The following SMARCC1 variants were observed in gnomAD, a reference collection of about 807,000 sequenced individuals.
The protein encoded by SMARCC1 is SWI/SNF complex subunit SMARCC1.
In SMARCC1, 43 loss-of-function variants were observed where a neutral mutation model predicts 147.4. The observed-to-expected ratio is 0.29, with a 90% CI of 0.23 to 0.38. The LOEUF is 0.38. Among genes scored for constraint, SMARCC1 ranks in the 10% least tolerant of loss-of-function variants. SMARCC1 has a pLI of 1.00. For synonymous variants in SMARCC1, 495 were observed against 484.4 expected, an observed-to-expected ratio of 1.02 and a Z score of -0.29; for missense variants, 1,119 against 1,381.1, an observed-to-expected ratio of 0.81 and a Z score of 3.01.
At chr3:47,636,784 ATATATGTGTGTGTG>A (rs749336475) in intron 22 of SMARCC1, among the ~76,000 whole-genome samples, 289 of 67,692 alleles carry the variant, frequency 4.3e-3, no homozygotes, top group Admixed American at 0.011. Context: ...AACAAAATAT[ATATATGTGTGTGTG>A]TGTGTGTGTG....
chr3:47,716,373 G>A (rs531023651), intron 7 of SMARCC1, among the ~76,000 whole-genome samples: 1 of 127,934 alleles, frequency 7.8e-6, no homozygotes, highest in African/African-American at 3.0e-5. Context: ...AGCTTAGATC[G>A]CACCACTGCA....
chr3:47,608,771 C>T (rs1281413318), intron 26 of SMARCC1, among the ~76,000 whole-genome samples: 1 of 149,246 alleles, frequency 6.7e-6, no homozygotes, highest in East Asian at 2.0e-4. Flanking sequence ...ATTGATTGAG[C>T]CTGGGAGGTT....
chr3:47,663,719 A>C (rs2033382124), intron 19 of SMARCC1: 6 of 1,503,626 alleles, frequency 4.0e-6, no homozygotes, highest in Non-Finnish European at 4.6e-6. Context: ...AGAGAGTTTC[A>C]AGGAAAAGTT....
chr3:47,701,249 C>G, intron 11 of SMARCC1, 29 bp downstream of exon 11: 5 of 1,599,980 alleles, frequency 3.1e-6, no homozygotes, highest in Non-Finnish European at 4.3e-6. Context: ...TAAATTAAAT[C>G]TAACACTCTC....
Position 47,588,074 on chromosome 3 carries a change from G to A in SMARCC1, c.*135C>T. 1.5e-6 allele frequency: 1 copy of A among 669,962 alleles called. No homozygotes were observed. Among genetic ancestry groups the A allele is most frequent in the Non-Finnish European group, 2.6e-6 (1 of 386,552 alleles). 41.5% of individuals were successfully genotyped at this position (669,962 alleles called of 1,614,324 possible). A position where few individuals can be genotyped will look rare whatever the true frequency, so the allele number is the denominator to read the frequency against. On this transcript the variant is annotated 3_prime_UTR_variant, in exon 28 of 28. Coordinates refer to ENST00000254480, the MANE Select transcript of SMARCC1 (RefSeq NM_003074.4). ...AGAGAGGGGTGGTAAGAGGAGTGGG[G>A]AGGCACGGGACACGTGCTTGGAGCT...
chr3:47,745,793 C>A (rs377304545), intron 3 of SMARCC1, 115 bp downstream of exon 3: 36 of 554,812 alleles, frequency 6.5e-5, no homozygotes, highest in Non-Finnish European at 1.0e-4. Flanking sequence ...TAAATTAGGG[C>A]TCTTGGTAAA....
intron 24 of SMARCC1, among the ~76,000 whole-genome samples, chr3:47,625,408 T>C (rs1351074651): frequency 6.6e-6 from 1 of 152,192 alleles, no homozygotes; most frequent in Non-Finnish European, 1.5e-5. Flanking sequence ...TTAACTTTTG[T>C]ATTTTTGGTA....
At chr3:47,731,892 CA>C (rs2034378455) in intron 5 of SMARCC1, among the ~76,000 whole-genome samples, 1 of 152,184 alleles carries the variant, frequency 6.6e-6, no homozygotes, top group Non-Finnish European at 1.5e-5. Flanking sequence ...GTCAGAATGG[CA>C]AACGACCATT....
At chr3:47,733,223 G>A (rs1299213851) in intron 5 of SMARCC1, among the ~76,000 whole-genome samples, 2 of 152,236 alleles carry the variant, frequency 1.3e-5, no homozygotes, top group Non-Finnish European at 2.9e-5. Flanking sequence ...GGCACCAACA[G>A]ACTTGCTTGA....
intron 1 of SMARCC1, among the ~76,000 whole-genome samples, chr3:47,781,395 G>C (rs925354316): frequency 6.6e-6 from 1 of 152,222 alleles, no homozygotes. Flanking sequence ...TGGGTGCGTA[G>C]GCTCAGAGGA....
chr3:47,644,942 G>A (rs534578292), intron 21 of SMARCC1, among the ~76,000 whole-genome samples: 89 of 151,936 alleles, frequency 5.9e-4, no homozygotes, highest in Non-Finnish European at 1.1e-3. Context: ...TCCATGAAAC[G>A]GCAAGGTGGG....
chr3:47,712,523 A>T (rs1398703001), intron 8 of SMARCC1, among the ~76,000 whole-genome samples: 3 of 152,216 alleles, frequency 2.0e-5, no homozygotes, highest in African/African-American at 7.2e-5. Context: ...GTGACAGCTA[A>T]CAACTGTTTG....
chr3:47,719,650 T>C (rs2034205624), intron 7 of SMARCC1, among the ~76,000 whole-genome samples: 1 of 151,786 alleles, frequency 6.6e-6, no homozygotes, highest in Non-Finnish European at 1.5e-5. Context: ...TTGCAGTGAG[T>C]CGGGACTGTG....
At chr3:47,762,418 A>T (rs113240928) in intron 2 of SMARCC1, among the ~76,000 whole-genome samples, 2 of 152,208 alleles carry the variant, frequency 1.3e-5, no homozygotes. Context: ...AATTCCTGCC[A>T]TGAGGTCAGT....
intron 3 of SMARCC1, among the ~76,000 whole-genome samples, chr3:47,738,500 G>A (rs13097128): frequency 2.3e-3 from 355 of 152,134 alleles, no homozygotes; most frequent in Non-Finnish European, 3.6e-3. Flanking sequence ...CCTGGCCAAC[G>A]TGGTGAAACC....
Position 47,745,919 on chromosome 3 carries a change from AT to A in SMARCC1, c.389del (p.Asn130MetfsTer24). On this transcript the variant is annotated frameshift_variant, in exon 3 of 28. Coordinates refer to ENST00000254480, the MANE Select transcript of SMARCC1 (RefSeq NM_003074.4). LOFTEE classifies it high-confidence loss of function. Reference sequence around the variant, plus strand: ...ATACAAAAACTTACCATCCCTGTTCATTTTTATACTTGTAAGCAGCCCCAAG... The same window carrying A: ...ATACAAAAACTTACCATCCCTGTTCATTTTATACTTGTAAGCAGCCCCAAG... ...HILGAAYKYK[N>X]EQGWRRFDLQ... 2 of 1,563,024 alleles carry A rather than the reference AT, an allele frequency of 1.3e-6. No individual in the cohort carries two copies. Among genetic ancestry groups the A allele is most frequent in the Non-Finnish European group, 1.7e-6 (2 of 1,161,020 alleles).
Position 47,701,195 on chromosome 3 carries a change from C to CCACAGCAAGCAAT in SMARCC1, c.1165+70_1165+82dup, listed in dbSNP as rs533263739. 3,472 of 1,175,272 alleles carry CCACAGCAAGCAAT rather than the reference C, an allele frequency of 3.0e-3. 5 individuals are homozygous for CCACAGCAAGCAAT. Among genetic ancestry groups the CCACAGCAAGCAAT allele is most frequent in the Non-Finnish European group, 3.5e-3 (2,867 of 809,164 alleles). 72.8% of individuals were successfully genotyped at this position (1,175,272 alleles called of 1,614,324 possible). A position where few individuals can be genotyped will look rare whatever the true frequency, so the allele number is the denominator to read the frequency against. On this transcript the variant is annotated intron_variant, in intron 11 of 27. Coordinates refer to ENST00000254480, the MANE Select transcript of SMARCC1 (RefSeq NM_003074.4). ...TACTTGAAAGTCGAGAACTGTGGAC[C>CCACAGCAAGCAAT]CACAGCAAGCAATGAATCATCCCAT...
intron 22 of SMARCC1, 130 bp downstream of exon 22, chr3:47,638,595 A>G: frequency 1.4e-6 from 1 of 705,114 alleles, no homozygotes; most frequent in South Asian, 1.7e-5. Flanking sequence ...CTATACCTTA[A>G]ACCAGCAAAG....
intron 26 of SMARCC1, among the ~76,000 whole-genome samples, chr3:47,591,781 G>A (rs1205383036): frequency 6.6e-6 from 1 of 152,104 alleles, no homozygotes; most frequent in Non-Finnish European, 1.5e-5. Context: ...CTGAGCTCAG[G>A]CAGTAAGACT....
Sources: allele counts gnomAD v4.1 joint callset (sites outside exome capture counted in the v4.1 genomes callset), GRCh38; gene constraint gnomAD v4.1.1; transcripts MANE v1.5; gene names NCBI Gene and HGNC (gene_info 2026-07-23, HGNC 2026-07-21).